Variants in CHAF1B observed in about 807,000 individuals in gnomAD.
CHAF1B encodes the protein chromatin assembly factor 1 subunit B, also known as CAF-1 subunit B.
A neutral mutation model predicts 60.7 loss-of-function variants in CHAF1B; 10 were observed. The observed-to-expected ratio is 0.16, with a 90% CI of 0.10 to 0.28. The LOEUF is 0.28. Among genes scored for constraint, CHAF1B ranks in the 10% least tolerant of loss-of-function variants. The pLI is 1.00. For missense variants in CHAF1B, 558 were observed against 708.4 expected (o/e 0.79, Z 2.41); for synonymous variants, 261 against 266.1 (o/e 0.98, Z 0.19).
intron 4 of CHAF1B, among the ~76,000 whole-genome samples, chr21:36,393,231 T>TGGAGGG (rs1020172111): frequency 6.6e-6 from 1 of 151,398 alleles, no homozygotes; most frequent in African/African-American, 2.4e-5. Flanking sequence ...AGGGAGACGG[T>TGGAGGG]GGAGGGAGAG....
intron 3 of CHAF1B, among the ~76,000 whole-genome samples, chr21:36,388,470 T>G (rs1343829405): frequency 9.1e-6 from 1 of 109,440 alleles, no homozygotes; most frequent in Non-Finnish European, 1.8e-5. Flanking sequence ...CTTTGGGAGT[T>G]TTTTTTTTTT....
At position 36,386,269 on chromosome 21, in the gene CHAF1B, T is replaced by G; in HGVS notation, c.126+7T>G. The G allele has an allele frequency of 1.2e-6, 2 of 1,613,552 alleles. No homozygotes were observed. The highest frequency in any genetic ancestry group is 1.7e-6 in the Non-Finnish European group (2 of 1,179,772). ...CGTGGACACCAATGTCAGGGTAAAC[T>G]GGGGCAGAGATAGACATCCGGGAAC... On this transcript the variant is annotated splice_region_variant and intron_variant, in intron 2 of 13. Transcript: ENST00000314103.
At chr21:36,389,331 G>A (rs898422991) in intron 3 of CHAF1B, among the ~76,000 whole-genome samples, 2 of 152,076 alleles carry the variant, frequency 1.3e-5, no homozygotes, top group African/African-American at 2.4e-5. Context: ...GGCTGGGCGC[G>A]GTCGCTCACA....
intron 3 of CHAF1B, among the ~76,000 whole-genome samples, chr21:36,390,349 AAAG>A (rs1482490672): frequency 6.6e-5 from 10 of 151,794 alleles, no homozygotes; most frequent in African/African-American, 2.4e-4. Flanking sequence ...AAAAAAAAAA[AAAG>A]AAAGAAAAAC....
chr21:36,400,100 C>T (rs1336125486), intron 7 of CHAF1B, among the ~76,000 whole-genome samples: 2 of 152,120 alleles, frequency 1.3e-5, no homozygotes, highest in Non-Finnish European at 2.9e-5. Flanking sequence ...TCACCTGAAC[C>T]TGGGAGGCGG....
At chr21:36,394,894 G>A (rs1266176191) in intron 5 of CHAF1B, among the ~76,000 whole-genome samples, 2 of 151,624 alleles carry the variant, frequency 1.3e-5, no homozygotes, top group African/African-American at 4.8e-5. Context: ...ACCACACCCA[G>A]TTAATTTTTG....
rs56714492 is a variant in CHAF1B at position 36,407,300 on chromosome 21, T to TA, written c.758-1444dup. The stretch of plus-strand genomic sequence containing the variant: ...CTGGGCAACAGAGTGAGACTCTGTC[T>TA]AAAAAAAAAAAAAAAAAGTATATGT... On this transcript the variant is annotated intron_variant, in intron 8 of 13. Coordinates refer to ENST00000314103, the MANE Select transcript of CHAF1B (RefSeq NM_005441.3). Among the ~76,000 whole-genome samples, 333 of 128,628 alleles carry TA rather than the reference T, an allele frequency of 2.6e-3. 2 individuals are homozygous for TA. Among genetic ancestry groups the TA allele is most frequent in the African/African-American group, 5.9e-3 (214 of 36,202 alleles). The allele number at this position is 128,628 out of a possible 152,430, so 84.4% of individuals were successfully genotyped here.
intron 7 of CHAF1B, among the ~76,000 whole-genome samples, chr21:36,400,658 C>G (rs68081676): frequency 6.6e-6 from 1 of 151,888 alleles, no homozygotes; most frequent in Non-Finnish European, 1.5e-5. Flanking sequence ...GCAGGTCGAG[C>G]GTTGGATCTG....
chr21:36,412,710 C>G (rs2086287332), intron 11 of CHAF1B, 174 bp from the exon 12 acceptor site: 1 of 642,634 alleles, frequency 1.6e-6, no homozygotes, highest in African/African-American at 1.8e-5. Context: ...AGCGACTTAG[C>G]AAATCGCGAT....
chr21:36,414,860 G>A (rs2086305442), intron 12 of CHAF1B, among the ~76,000 whole-genome samples: 1 of 152,124 alleles, frequency 6.6e-6, no homozygotes, highest in East Asian at 1.9e-4. Flanking sequence ...TGATCTGCCC[G>A]CCTCAGCCCG....
At chr21:36,411,326 C>T (rs2086276472) in intron 10 of CHAF1B, 137 bp from the exon 11 acceptor site, 1 of 967,190 alleles carries the variant, frequency 1.0e-6, no homozygotes. Flanking sequence ...GTTGCTTAGG[C>T]AGGTCTCAAA....
chr21:36,415,517 A>G, intron 13 of CHAF1B, 128 bp downstream of exon 13: 1 of 706,768 alleles, frequency 1.4e-6, no homozygotes, highest in Admixed American at 2.5e-5. Flanking sequence ...TATTGGAACC[A>G]TTGTTTAAAC....
chr21:36,406,552 C>T (rs1462732467), intron 8 of CHAF1B, among the ~76,000 whole-genome samples: 1 of 152,008 alleles, frequency 6.6e-6, no homozygotes, highest in Non-Finnish European at 1.5e-5. Flanking sequence ...TCCCAAAGTG[C>T]TGGGATTACA....
chr21:36,400,056 A>C (rs1053827772), intron 7 of CHAF1B, among the ~76,000 whole-genome samples: 15 of 152,086 alleles, frequency 9.9e-5, no homozygotes, highest in Non-Finnish European at 2.2e-4. Flanking sequence ...GCATGCCTGT[A>C]ATCCCAGCTA....
Position 36,399,525 on chromosome 21 carries a change from C to A in CHAF1B, c.583C>A (p.Leu195Met), listed in dbSNP as rs771753643. Residue 195 changes from leucine (L) to methionine (M), a missense_variant, in exon 7 of 14, where the codon CTG becomes ATG. By Grantham distance (15) the Leu-to-Met change is conservative. Coordinates refer to ENST00000314103, the MANE Select transcript of CHAF1B (RefSeq NM_005441.3). ...YVATLSCDRV[L>M]RVYSIQKKRV... ...TCAGACATGTTCTTTCTTCAGGGTG[C>A]TGCGAGTATACAGTATACAGAAGAA... 16 of 1,613,244 alleles carry A rather than the reference C, an allele frequency of 9.9e-6. No homozygotes were observed. The African/African-American group carries it at 1.7e-4, about 18-fold the overall frequency.
At chr21:36,413,429 G>C in intron 12 of CHAF1B, 114 bp downstream of exon 12, 1 of 986,316 alleles carries the variant, frequency 1.0e-6, no homozygotes, top group Non-Finnish European at 1.5e-6. Context: ...ATGCCAGTAG[G>C]TTGCCAGAGA....
At chr21:36,386,746 C>T (rs745452989) in intron 2 of CHAF1B, among the ~76,000 whole-genome samples, 2 of 150,114 alleles carry the variant, frequency 1.3e-5, no homozygotes, top group Non-Finnish European at 3.0e-5. Context: ...CGGAGTCTTG[C>T]TCTGTTGCCC....
chr21:36,393,047 CA>C (rs979963798), intron 4 of CHAF1B, among the ~76,000 whole-genome samples: 9 of 152,092 alleles, frequency 5.9e-5, no homozygotes, highest in African/African-American at 2.2e-4. Context: ...CCATCTCCAC[CA>C]AAAAAATACG....
At chr21:36,411,650 T>C (rs1185183916) in intron 11 of CHAF1B, 46 bp downstream of exon 11, 1 of 1,606,726 alleles carries the variant, frequency 6.2e-7, no homozygotes, top group Non-Finnish European at 8.5e-7. Context: ...AGACCGTGGC[T>C]GTATCCTGGA....
Sources: allele counts gnomAD v4.1 joint callset (sites outside exome capture counted in the v4.1 genomes callset), GRCh38; gene constraint gnomAD v4.1.1; transcripts MANE v1.5; gene names NCBI Gene and HGNC (gene_info 2026-07-23, HGNC 2026-07-21).